The following GRIP1 variants were observed in gnomAD, a reference collection of about 807,000 sequenced individuals.
GRIP1 encodes the protein glutamate receptor interacting protein 1, also known as glutamate receptor-interacting protein 1.
A neutral mutation model predicts 129.9 loss-of-function variants in GRIP1; 45 were observed. The observed-to-expected ratio is 0.35, with a 90% CI of 0.27 to 0.44. The LOEUF is 0.44. GRIP1 is among the 20% of genes least tolerant of loss of function. GRIP1 has a pLI of 1.00. For missense variants in GRIP1, 1,196 were observed against 1,396.8 expected, an observed-to-expected ratio of 0.86 and a Z score of 2.29; for synonymous variants, 530 against 520.8, an observed-to-expected ratio of 1.02 and a Z score of -0.24.
intron 1 of GRIP1, among the ~76,000 whole-genome samples, chr12:66,602,836 C>T (rs748171449): frequency 5.1e-4 from 75 of 146,312 alleles, no homozygotes; most frequent in Admixed American, 1.2e-3. Flanking sequence ...CCTAAAGGGA[C>T]CAGATCTTTT....
rs1346634145 is a variant in GRIP1 at position 66,347,461 on chromosome 12, A to AAATC, written c.*1554_*1557dup. On this transcript the variant is annotated 3_prime_UTR_variant, in exon 25 of 25. Transcript: ENST00000359742. ...CATATCCTCTTTATTTGGCTTTTTA[A>AAATC]AATCACTGTTTATTCCATTTGGTAG... is the stretch of plus-strand genomic sequence containing the variant. The AAATC allele has an allele frequency of 1.3e-5, 2 of 152,208 alleles. No individual in the cohort carries two copies. Among genetic ancestry groups the AAATC allele is most frequent in the Non-Finnish European group, 2.9e-5 (2 of 68,034 alleles). The allele number at this position is 152,208 out of a possible 1,614,324, so 9.4% of individuals were successfully genotyped here. A position where few individuals can be genotyped will look rare whatever the true frequency, so the allele number is the denominator to read the frequency against.
chr12:66,925,531 A>G (rs545539016), intron 1 of GRIP1, among the ~76,000 whole-genome samples: 35 of 152,348 alleles, frequency 2.3e-4, no homozygotes, highest in Non-Finnish European at 4.9e-4. Flanking sequence ...CACTTAGTAA[A>G]GAAAACAAAC....
intron 1 of GRIP1, among the ~76,000 whole-genome samples, chr12:66,986,324 C>T (rs1208727139): frequency 1.3e-5 from 2 of 152,026 alleles, no homozygotes; most frequent in East Asian, 3.9e-4. Flanking sequence ...CATCCCATTA[C>T]TGGGTATATA....
chr12:66,868,870 C>T (rs1216644908), intron 1 of GRIP1, among the ~76,000 whole-genome samples: 1 of 152,068 alleles, frequency 6.6e-6, no homozygotes, highest in African/African-American at 2.4e-5. Flanking sequence ...AACAGCGAAA[C>T]ATGAGGACAA....
intron 1 of GRIP1, among the ~76,000 whole-genome samples, chr12:66,830,142 C>T (rs1402281727): frequency 6.6e-6 from 1 of 152,132 alleles, no homozygotes; most frequent in East Asian, 1.9e-4. Context: ...GTGTCATATC[C>T]ACTAACATGT....
At chr12:66,882,709 A>G (rs10748061) in intron 1 of GRIP1, among the ~76,000 whole-genome samples, 13,564 of 152,224 alleles carry the variant, frequency 0.089, 777 homozygotes, top group East Asian at 0.26. Flanking sequence ...TATTATAAGC[A>G]TTAATATTAA....
chr12:66,913,957 A>G (rs2041075620), intron 1 of GRIP1, among the ~76,000 whole-genome samples: 1 of 152,196 alleles, frequency 6.6e-6, no homozygotes, highest in Admixed American at 6.5e-5. Flanking sequence ...GATAATGATA[A>G]TACCCAATAA....
chr12:66,378,156 G>C (rs1424619463), intron 20 of GRIP1, among the ~76,000 whole-genome samples: 1 of 151,812 alleles, frequency 6.6e-6, no homozygotes, highest in African/African-American at 2.4e-5. Context: ...AAAGAAAGGA[G>C]AGGGGCCCAG....
intron 1 of GRIP1, among the ~76,000 whole-genome samples, chr12:66,715,349 C>A (rs1273735793): frequency 6.6e-6 from 1 of 151,876 alleles, no homozygotes; most frequent in Non-Finnish European, 1.5e-5. Flanking sequence ...TCCCTACAAC[C>A]CTGTGAGGAG....
intron 1 of GRIP1, among the ~76,000 whole-genome samples, chr12:66,786,805 G>A (rs897556264): frequency 6.6e-6 from 1 of 152,048 alleles, no homozygotes; most frequent in African/African-American, 2.4e-5. Flanking sequence ...GGGACTGCAG[G>A]GTGGAAAACA....
chr12:66,644,975 T>G (rs1194853734), intron 1 of GRIP1, among the ~76,000 whole-genome samples: 2 of 152,230 alleles, frequency 1.3e-5, no homozygotes, highest in African/African-American at 2.4e-5. Context: ...GCATTTTTAC[T>G]GGTAGTAATA....
At chr12:66,729,658 C>T (rs1315342442) in intron 1 of GRIP1, among the ~76,000 whole-genome samples, 1 of 152,148 alleles carries the variant, frequency 6.6e-6, no homozygotes, top group South Asian at 2.1e-4. Flanking sequence ...ACTTCAAGCT[C>T]TGCCTCCTGG....
At chr12:66,449,656 G>A (rs551757639) in intron 11 of GRIP1, among the ~76,000 whole-genome samples, 9 of 152,258 alleles carry the variant, frequency 5.9e-5, no homozygotes, top group Non-Finnish European at 8.8e-5. Flanking sequence ...AGAGTGTACC[G>A]TGATTACTCT....
chr12:66,808,392 G>T (rs921628633), upstream of GRIP1, among the ~76,000 whole-genome samples: 3 of 152,106 alleles, frequency 2.0e-5, no homozygotes, highest in Admixed American at 6.6e-5. Context: ...CTTCCTCCCA[G>T]GTTCAAGCGA....
intron 1 of GRIP1, among the ~76,000 whole-genome samples, chr12:67,019,367 G>C (rs2042832735): frequency 6.6e-6 from 1 of 152,188 alleles, no homozygotes; most frequent in African/African-American, 2.4e-5. Context: ...TCGCTTGGGA[G>C]CTGTAGGTGC....
At chr12:66,864,227 A>ACCGAG (rs2040162122) in intron 1 of GRIP1, among the ~76,000 whole-genome samples, 7 of 151,432 alleles carry the variant, frequency 4.6e-5, no homozygotes, top group East Asian at 2.0e-4. Context: ...TCATGTCCTC[A>ACCGAG]ATATACACCA....
intron 1 of GRIP1, among the ~76,000 whole-genome samples, chr12:66,963,256 A>T (rs935332382): frequency 6.6e-6 from 1 of 152,194 alleles, no homozygotes; most frequent in East Asian, 1.9e-4. Context: ...TCAAGGCTGC[A>T]GTGAGCCATG....
chr12:66,505,158 C>T (rs2060494573), intron 7 of GRIP1, among the ~76,000 whole-genome samples: 1 of 152,170 alleles, frequency 6.6e-6, no homozygotes. Context: ...GTCCCAAGGT[C>T]ATCAAATGAG....
Position 66,539,203 on chromosome 12 carries a change from C to T in GRIP1, c.293G>A (p.Gly98Asp). The change falls in exon 4 of 25, where the codon GGT (glycine) becomes GAT (aspartate). Residue 98 changes from glycine to aspartate, a missense_variant. Physicochemically the swap from Gly to Asp is moderately conservative, Grantham distance 94. This residue lies in a region of GRIP1 where 217 missense variants were observed against 224.8 expected (regional missense o/e 0.97). Coordinates refer to ENST00000359742, the MANE Select transcript of GRIP1 (RefSeq NM_001366722.1). ...IAARSDQLDV[G>D]DYIKAVNGIN... ...TCCATTCACTGCTTTGATGTAGTCACCCACATCCAGCTGGTCACTTCTGCA... is the reference window on the plus strand; with the variant it reads ...TCCATTCACTGCTTTGATGTAGTCATCCACATCCAGCTGGTCACTTCTGCA... 1 of 1,613,832 alleles carries T rather than the reference C, an allele frequency of 6.2e-7. No homozygotes were observed. The highest frequency in any genetic ancestry group is 8.5e-7 in the Non-Finnish European group (1 of 1,179,756).
Sources: allele counts gnomAD v4.1 joint callset (sites outside exome capture counted in the v4.1 genomes callset), GRCh38; gene constraint gnomAD v4.1.1; regional missense constraint gnomAD v4.1.1; transcripts MANE v1.5; gene names NCBI Gene and HGNC (gene_info 2026-07-23, HGNC 2026-07-21).